ANKRD34A: variants seen among roughly 807,000 people sequenced by gnomAD.
The protein encoded by ANKRD34A is ankyrin repeat domain-containing protein 34A.
A neutral mutation model predicts 27.1 loss-of-function variants in ANKRD34A; 7 were observed. That is an observed-to-expected ratio of 0.26 (90% CI 0.15 to 0.49). The LOEUF is 0.49. Among genes scored for constraint, ANKRD34A ranks in the 20% least tolerant of loss-of-function variants. The probability of loss-of-function intolerance (pLI) is 0.99; values close to 1 mark genes in which losing one functional copy is unlikely to be tolerated. For synonymous variants in ANKRD34A, 301 were observed against 300.8 expected (o/e 1.00, Z -0.01); for missense variants, 472 against 682.1 (o/e 0.69, Z 3.43).
At position 145,960,548 on chromosome 1, in the gene ANKRD34A, C is replaced by G; in HGVS notation, c.1212G>C (p.Leu404=). 1.3e-6 allele frequency: 2 copies of G among 1,586,198 alleles called. No individual in the cohort carries two copies. The highest frequency in any genetic ancestry group is 1.7e-6 in the Non-Finnish European group (2 of 1,166,110). Residue 404 remains leucine (L), a synonymous_variant, in exon 4 of 4, where the codon CTG becomes CTC. Transcript: ENST00000606888. The surrounding 1 kb of genome is among the most constrained non-coding windows in gnomAD (Gnocchi z 5.5). ...LSGRRRSPGL[L]ERRGSGTLLL... ...GCAACGTCCCCGAGCCCCTCCGCTC[C>G]AGCAGCCCCGGACTCCGCCTCCTTC...
Position 145,960,590 on chromosome 1 carries a change from T to G in ANKRD34A, c.1170A>C (p.Ala390=), listed in dbSNP as rs587769615. Residue 390 remains alanine, a synonymous_variant, in exon 4 of 4, where the codon GCA becomes GCC. Coordinates refer to ENST00000606888, the MANE Select transcript of ANKRD34A (RefSeq NM_001039888.4). This position sits in a 1 kb window ranked among gnomAD's most constrained non-coding sequence, Gnocchi z 5.5. The part of the protein sequence containing the change: ...PRQSQESLPG[A]VSPLSGRRRS... ...GCCTCCTTCCGCTTAGCGGAGATAC[T>G]GCCCCTGGCAGACTCTCCTGGGACT... is the stretch of plus-strand genomic sequence containing the variant. The G allele has an allele frequency of 5.7e-6, 9 of 1,583,732 alleles. No homozygotes were observed. In the East Asian group the frequency reaches 9.0e-5, roughly 16 times the overall value.
In ANKRD34A at chr1:145,960,130, T is replaced by G; in HGVS notation, c.*139A>C. ...AGAGTACTGTGCTTATGGACACATG[T>G]TTAACCATGTGTGGGTGCACTGTGC... On this transcript the variant is annotated 3_prime_UTR_variant, in exon 4 of 4. Transcript: ENST00000606888. The surrounding 1 kb of genome is among the most constrained non-coding windows in gnomAD (Gnocchi z 5.5). 1 of 1,034,228 alleles carries G rather than the reference T, an allele frequency of 9.7e-7. No individual in the cohort carries two copies. The highest frequency in any genetic ancestry group is 1.3e-6 in the Non-Finnish European group (1 of 747,326). The allele number at this position is 1,034,228 out of a possible 1,614,324, so 64.1% of individuals were successfully genotyped here. A position where few individuals can be genotyped will look rare whatever the true frequency, so the allele number is the denominator to read the frequency against.
Position 145,961,206 on chromosome 1 carries a change from G to C in ANKRD34A, c.554C>G (p.Ser185Trp), listed in dbSNP as rs140403950. The C allele has an allele frequency of 1.2e-6, 2 of 1,613,948 alleles. No individual in the cohort carries two copies. The highest frequency in any genetic ancestry group is 1.7e-6 in the Non-Finnish European group (2 of 1,179,942). The change falls in exon 4 of 4, where the codon TCG (serine) becomes TGG (tryptophan). Residue 185 changes from serine (S) to tryptophan (W), a missense_variant. By Grantham distance (177) the Ser-to-Trp change is radical. This residue lies in a region of ANKRD34A where 295 missense variants were observed against 335.0 expected (regional missense o/e 0.88). Coordinates refer to ENST00000606888, the MANE Select transcript of ANKRD34A (RefSeq NM_001039888.4). This position sits in a 1 kb window ranked among gnomAD's most constrained non-coding sequence, Gnocchi z 9.5. ...TCCAGCGGTCTGCAGTTGGATTTCC[G>C]AAGGCGACGTGCAGAACCCCGGGCT... ...SPSPGFCTSP[S>W]EIQLQTAGGG...
At position 145,960,533 on chromosome 1, in the gene ANKRD34A, C is replaced by G. The variant is rs782387432; in HGVS notation, c.1227G>C (p.Ser409=). The change falls in exon 4 of 4, where the codon TCG becomes TCC. Residue 409 remains serine, a synonymous_variant. Transcript: ENST00000606888. The surrounding 1 kb of genome is among the most constrained non-coding windows in gnomAD (Gnocchi z 5.5). ...AGATGTGGTCCAGGAGCAACGTCCC[C>G]GAGCCCCTCCGCTCCAGCAGCCCCG... ...RSPGLLERRG[S]GTLLLDHISQ... 7.6e-6 allele frequency: 12 copies of G among 1,586,428 alleles called. No homozygotes were observed. Among genetic ancestry groups the G allele is most frequent in the Admixed American group, 1.8e-5 (1 of 56,158 alleles).
rs147828084 is a variant in ANKRD34A at position 145,961,196 on chromosome 1, T to C, written c.564A>G (p.Gln188=). 1.9e-6 allele frequency: 3 copies of C among 1,613,960 alleles called. No homozygotes were observed. The highest frequency in any genetic ancestry group is 2.5e-6 in the Non-Finnish European group (3 of 1,179,980). Residue 188 remains glutamine, a synonymous_variant, in exon 4 of 4, where the codon CAA becomes CAG. Transcript: ENST00000606888. This position sits in a 1 kb window ranked among gnomAD's most constrained non-coding sequence, Gnocchi z 9.5. ...PGFCTSPSEI[Q]LQTAGGGGRG... ...GCCCTCCTCCTCCAGCGGTCTGCAG[T>C]TGGATTTCCGAAGGCGACGTGCAGA...
In ANKRD34A at chr1:145,961,590, G is replaced by T; in HGVS notation, c.170C>A (p.Ala57Glu). The T allele has an allele frequency of 6.2e-7, 1 of 1,608,728 alleles. No homozygotes were observed. The highest frequency in any genetic ancestry group is 8.5e-7 in the Non-Finnish European group (1 of 1,177,396). Residue 57 changes from alanine to glutamate, a missense_variant, in exon 4 of 4, where the codon GCA becomes GAA. Coordinates refer to ENST00000606888, the MANE Select transcript of ANKRD34A (RefSeq NM_001039888.4). The surrounding 1 kb of genome is among the most constrained non-coding windows in gnomAD (Gnocchi z 9.5). ...RARYDDPQNK[A>E]RMVRYLLEQG... ...CTCCAGGAGGTAGCGTACCATGCGT[G>T]CCTTGTTCTGGGGGTCGTCGTAGCG...
At position 145,959,613 on chromosome 1, in the gene ANKRD34A, C is replaced by G. The variant is rs941030388; in HGVS notation, c.*656G>C. The stretch of plus-strand genomic sequence containing the variant: ...CAATCTGTTGTAGTTGTTGGAGGAA[C>G]AGGGTGGGAATAAAAAGCAGGAAGT... On this transcript the variant is annotated 3_prime_UTR_variant, in exon 4 of 4. Transcript: ENST00000606888. 1 of 167,310 alleles carries G rather than the reference C, an allele frequency of 6.0e-6. No individual in the cohort carries two copies. The highest frequency in any genetic ancestry group is 2.4e-5 in the African/African-American group (1 of 41,434). 10.4% of individuals were successfully genotyped at this position (167,310 alleles called of 1,614,324 possible).
chr1:145,963,885 T>A (rs985909034), intron 1 of ANKRD34A, among the ~76,000 whole-genome samples: 2 of 152,176 alleles, frequency 1.3e-5, no homozygotes, highest in Admixed American at 6.5e-5. Flanking sequence ...TTCTGTCCTA[T>A]GGCAAAGACT....
chr1:145,960,177 AT>A lies in ANKRD34A; in HGVS notation c.*91del, dbSNP rs1169523500. 27 of 1,400,304 alleles carry A rather than the reference AT, an allele frequency of 1.9e-5. No individual in the cohort carries two copies. The highest frequency in any genetic ancestry group is 2.5e-5 in the Non-Finnish European group (27 of 1,061,528). The allele number at this position is 1,400,304 out of a possible 1,614,324, so 86.7% of individuals were successfully genotyped here. A position where few individuals can be genotyped will look rare whatever the true frequency, so the allele number is the denominator to read the frequency against. On this transcript the variant is annotated 3_prime_UTR_variant, in exon 4 of 4. Coordinates refer to ENST00000606888, the MANE Select transcript of ANKRD34A (RefSeq NM_001039888.4). The surrounding 1 kb of genome is among the most constrained non-coding windows in gnomAD (Gnocchi z 5.5). ...GTGCACCCATGAGCACATGCAAGAG[AT>A]CCCTTTGTTCGTGGTGTGTGTGTGA...
rs1649786855 is a variant in ANKRD34A, at chr1:145,961,967, C to T, written c.-120-88G>A. 2 of 599,528 alleles carry T rather than the reference C, an allele frequency of 3.3e-6. No homozygotes were observed. Among genetic ancestry groups the T allele is most frequent in the African/African-American group, 1.9e-5 (1 of 52,490 alleles). The allele number at this position is 599,528 out of a possible 1,614,324, so 37.1% of individuals were successfully genotyped here. A position where few individuals can be genotyped will look rare whatever the true frequency, so the allele number is the denominator to read the frequency against. On this transcript the variant is annotated intron_variant, in intron 3 of 3. Transcript: ENST00000606888. The surrounding 1 kb of genome is among the most constrained non-coding windows in gnomAD (Gnocchi z 9.5). Reference sequence around the variant, plus strand: ...CAGCGTGGGGTGGAGGAGACCTTCACGGCATACAGTCCTTCCTCTAACTCA... The same window carrying T: ...CAGCGTGGGGTGGAGGAGACCTTCATGGCATACAGTCCTTCCTCTAACTCA...
At position 145,961,340 on chromosome 1, in the gene ANKRD34A, C is replaced by T; in HGVS notation, c.420G>A (p.Glu140=). The T allele has an allele frequency of 6.2e-7, 1 of 1,614,014 alleles. No homozygotes were observed. The highest frequency in any genetic ancestry group is 8.5e-7 in the Non-Finnish European group (1 of 1,180,016). Residue 140 remains glutamate (E), a synonymous_variant, in exon 4 of 4, where the codon GAG becomes GAA. Coordinates refer to ENST00000606888, the MANE Select transcript of ANKRD34A (RefSeq NM_001039888.4). This position sits in a 1 kb window ranked among gnomAD's most constrained non-coding sequence, Gnocchi z 9.5. ...LLDACKAKGT[E]VIIITTDTSP... The stretch of plus-strand genomic sequence containing the variant: ...AGGTATCGGTGGTGATGATGATGAC[C>T]TCCGTACCCTTGGCCTTGCAGGCGT...
Position 145,961,789 on chromosome 1 carries a change from A to T in ANKRD34A, c.-30T>A. On this transcript the variant is annotated 5_prime_UTR_variant, in exon 4 of 4. Coordinates refer to ENST00000606888, the MANE Select transcript of ANKRD34A (RefSeq NM_001039888.4). This position sits in a 1 kb window ranked among gnomAD's most constrained non-coding sequence, Gnocchi z 9.5. ...GCGGCTGGGGCGAGGGCACAGATGG[A>T]GCCGGGACTGAGACCTGCCGAGGAT... 1 of 1,589,454 alleles carries T rather than the reference A, an allele frequency of 6.3e-7. No individual in the cohort carries two copies. The highest frequency in any genetic ancestry group is 8.5e-7 in the Non-Finnish European group (1 of 1,171,552).
At position 145,961,184 on chromosome 1, in the gene ANKRD34A, A is replaced by G. The variant is rs587767454; in HGVS notation, c.576T>C (p.Ala192=). The G allele has an allele frequency of 6.8e-6, 11 of 1,614,088 alleles. No individual in the cohort carries two copies. The Admixed American group carries it at 1.7e-4, about 24-fold the overall frequency. The change falls in exon 4 of 4, where the codon GCT becomes GCC. Residue 192 remains alanine (A), a synonymous_variant. Transcript: ENST00000606888. This position sits in a 1 kb window ranked among gnomAD's most constrained non-coding sequence, Gnocchi z 9.5. ...ATAACATCCCACGCCCTCCTCCTCC[A>G]GCGGTCTGCAGTTGGATTTCCGAAG... is the stretch of plus-strand genomic sequence containing the variant. ...TSPSEIQLQT[A]GGGGRGMLSP...
chr1:145,960,290 C>A lies in ANKRD34A; in HGVS notation c.1470G>T (p.Gly490=). The part of the protein sequence containing the change: ...RLLGGFQSLG[G]PGEPGR ...CCTCTCAGCGCCCTGGCTCCCCAGG[C>A]CCACCTAGACTCTGGAAGCCCCCCA... The change falls in exon 4 of 4, where the codon GGG becomes GGT. Residue 490 remains glycine (G), a synonymous_variant. Coordinates refer to ENST00000606888, the MANE Select transcript of ANKRD34A (RefSeq NM_001039888.4). This position sits in a 1 kb window ranked among gnomAD's most constrained non-coding sequence, Gnocchi z 5.5. The A allele has an allele frequency of 6.5e-7, 1 of 1,546,800 alleles. No individual in the cohort carries two copies. The highest frequency in any genetic ancestry group is 8.7e-7 in the Non-Finnish European group (1 of 1,145,026).
chr1:145,959,963 T>A lies in ANKRD34A; in HGVS notation c.*306A>T, dbSNP rs377757111. The A allele has an allele frequency of 8.2e-6, 3 of 364,212 alleles. No individual in the cohort carries two copies. Among genetic ancestry groups the A allele is most frequent in the African/African-American group, 6.3e-5 (3 of 47,718 alleles). The allele number at this position is 364,212 out of a possible 1,614,324, so 22.6% of individuals were successfully genotyped here. The stretch of plus-strand genomic sequence containing the variant: ...TGCTTCTGAACAAATGCAAGAGAGT[T>A]TGGGACCCTAGCCCTGTGTGTTTAT... On this transcript the variant is annotated 3_prime_UTR_variant, in exon 4 of 4. Coordinates refer to ENST00000606888, the MANE Select transcript of ANKRD34A (RefSeq NM_001039888.4).
In ANKRD34A at chr1:145,960,319, G is replaced by A. The variant is rs1553761072; in HGVS notation, c.1441C>T (p.Leu481=). 8 of 1,595,818 alleles carry A rather than the reference G, an allele frequency of 5.0e-6. No homozygotes were observed. In the South Asian group the frequency reaches 7.8e-5, roughly 16 times the overall value. The part of the protein sequence containing the change: ...RHSMQTEQIR[L]LGGFQSLGGP... ...CCTAGACTCTGGAAGCCCCCCAGCAGGCGGATCTGCTCAGTCTGCATGGAG... is the reference window on the plus strand; with the variant it reads ...CCTAGACTCTGGAAGCCCCCCAGCAAGCGGATCTGCTCAGTCTGCATGGAG... Residue 481 remains leucine (L), a synonymous_variant, in exon 4 of 4, where the codon CTG becomes TTG. Coordinates refer to ENST00000606888, the MANE Select transcript of ANKRD34A (RefSeq NM_001039888.4). This position sits in a 1 kb window ranked among gnomAD's most constrained non-coding sequence, Gnocchi z 5.5.
chr1:145,960,038 T>A lies in ANKRD34A; in HGVS notation c.*231A>T, dbSNP rs1396617165. ...CAAGTAATCCCATATGCATGTGAAA[T>A]GACCAGGGCATGAATACATGTGTGT... On this transcript the variant is annotated 3_prime_UTR_variant, in exon 4 of 4. Coordinates refer to ENST00000606888, the MANE Select transcript of ANKRD34A (RefSeq NM_001039888.4). This position sits in a 1 kb window ranked among gnomAD's most constrained non-coding sequence, Gnocchi z 5.5. 4 of 449,286 alleles carry A rather than the reference T, an allele frequency of 8.9e-6. No homozygotes were observed. Among genetic ancestry groups the A allele is most frequent in the African/African-American group, 8.1e-5 (4 of 49,088 alleles). The allele number at this position is 449,286 out of a possible 1,614,324, so 27.8% of individuals were successfully genotyped here. A position where few individuals can be genotyped will look rare whatever the true frequency, so the allele number is the denominator to read the frequency against.
chr1:145,959,985 T>G lies in ANKRD34A; in HGVS notation c.*284A>C. The stretch of plus-strand genomic sequence containing the variant: ...AGTTTGGGACCCTAGCCCTGTGTGT[T>G]TATTGATATGCTGTGCCTGTAGGTA... On this transcript the variant is annotated 3_prime_UTR_variant, in exon 4 of 4. Transcript: ENST00000606888. The G allele has an allele frequency of 2.6e-6, 1 of 389,534 alleles. No homozygotes were observed. The highest frequency in any genetic ancestry group is 4.7e-6 in the Non-Finnish European group (1 of 212,040). 24.1% of individuals were successfully genotyped at this position (389,534 alleles called of 1,614,324 possible). A position where few individuals can be genotyped will look rare whatever the true frequency, so the allele number is the denominator to read the frequency against.
chr1:145,959,559 C>A lies in ANKRD34A; in HGVS notation c.*710G>T, dbSNP rs41302089. The A allele has an allele frequency of 0.014, 2,387 of 167,168 alleles. 23 individuals carry two copies. The highest frequency in any genetic ancestry group is 0.018 in the Non-Finnish European group (1,243 of 68,100). The allele number at this position is 167,168 out of a possible 1,614,324, so 10.4% of individuals were successfully genotyped here. On this transcript the variant is annotated 3_prime_UTR_variant, in exon 4 of 4. Coordinates refer to ENST00000606888, the MANE Select transcript of ANKRD34A (RefSeq NM_001039888.4). ...AGACAGACAGAAGAGCAGCTTAGAG[C>A]CCATGACCCACCCCCTGGGAAAATG...
Sources: allele counts gnomAD v4.1 joint callset (sites outside exome capture counted in the v4.1 genomes callset), GRCh38; gene constraint gnomAD v4.1.1; regional missense constraint gnomAD v4.1.1; non-coding constraint Gnocchi (gnomAD v3.1); transcripts MANE v1.5; gene names NCBI Gene and HGNC (gene_info 2026-07-23, HGNC 2026-07-21).